Variants in MTX2 observed in about 807,000 individuals in gnomAD.
MTX2 encodes metaxin 2, also known as metaxin-2.
A neutral mutation model predicts 42.3 loss-of-function variants in MTX2; 35 were observed. That is an observed-to-expected ratio of 0.83 (90% confidence interval 0.63 to 1.10). MTX2 has a LOEUF of 1.10. Among genes scored for constraint, MTX2 ranks in the 50% least tolerant of loss-of-function variants. MTX2 has a pLI of 0.00. For missense variants in MTX2, 307 were observed against 304.1 expected (o/e 1.01, Z -0.07); for synonymous variants, 119 against 100.9 (o/e 1.18, Z -1.08).
intron 1 of MTX2, among the ~76,000 whole-genome samples, chr2:176,283,520 T>G (rs77204693): frequency 2.0e-5 from 3 of 152,284 alleles, no homozygotes; most frequent in Admixed American, 6.5e-5. Flanking sequence ...GGTATAATAA[T>G]AAGTCAGATT....
chr2:176,285,370 T>G (rs1693172679), intron 1 of MTX2, among the ~76,000 whole-genome samples: 1 of 152,066 alleles, frequency 6.6e-6, no homozygotes, highest in Non-Finnish European at 1.5e-5. Context: ...GATTTATAAT[T>G]CAGTGATTTT....
At chr2:176,288,662 G>T (rs1212767304) in intron 1 of MTX2, among the ~76,000 whole-genome samples, 4 of 151,386 alleles carry the variant, frequency 2.6e-5, no homozygotes, top group African/African-American at 9.7e-5. Context: ...TGATAGGTTT[G>T]TGTAGAGTTA....
In MTX2 at chr2:176,326,814, T is replaced by TC. The variant is rs780232722; in HGVS notation, c.209-10dup. 11 of 1,503,180 alleles carry TC rather than the reference T, an allele frequency of 7.3e-6. No homozygotes were observed. The African/African-American group carries it at 1.4e-4, about 20-fold the overall frequency. 93.1% of individuals were successfully genotyped at this position (1,503,180 alleles called of 1,614,324 possible). A position where few individuals can be genotyped will look rare whatever the true frequency, so the allele number is the denominator to read the frequency against. On this transcript the variant is annotated splice_polypyrimidine_tract_variant and intron_variant, in intron 4 of 9. Transcript: ENST00000249442. ...AGTATTTTTATAAATACTTTTTTTTTCTCTCAACAGGTAAAGTACCTTTTA... is the reference window on the plus strand; with the variant it reads ...AGTATTTTTATAAATACTTTTTTTTTCCTCTCAACAGGTAAAGTACCTTTTA...
At chr2:176,275,672 T>A (rs1372391719) in intron 1 of MTX2, among the ~76,000 whole-genome samples, 1 of 152,236 alleles carries the variant, frequency 6.6e-6, no homozygotes, top group Non-Finnish European at 1.5e-5. Context: ...TTTGTTTTTT[T>A]AATTTTGTTC....
intron 1 of MTX2, among the ~76,000 whole-genome samples, chr2:176,278,869 T>C (rs1334914825): frequency 6.6e-6 from 1 of 152,194 alleles, no homozygotes; most frequent in Non-Finnish European, 1.5e-5. Flanking sequence ...TTTAATTTTT[T>C]ATTGCTTTGT....
intron 9 of MTX2, among the ~76,000 whole-genome samples, chr2:176,337,246 T>G (rs573743729): frequency 6.6e-6 from 1 of 152,238 alleles, no homozygotes; most frequent in African/African-American, 2.4e-5. Context: ...TTTGCCACAT[T>G]GTTCAGGCTG....
intron 9 of MTX2, among the ~76,000 whole-genome samples, chr2:176,336,783 T>C (rs1484080031): frequency 6.6e-6 from 1 of 152,126 alleles, no homozygotes; most frequent in Non-Finnish European, 1.5e-5. Context: ...AAAAGTTATA[T>C]CAAGTTGTGG....
chr2:176,278,379 G>A (rs1692999914), intron 1 of MTX2, among the ~76,000 whole-genome samples: 1 of 152,000 alleles, frequency 6.6e-6, no homozygotes. Flanking sequence ...GCAATATTAT[G>A]TAAATTTTTG....
chr2:176,299,690 C>T (rs1485135000), intron 3 of MTX2, among the ~76,000 whole-genome samples: 1 of 152,000 alleles, frequency 6.6e-6, no homozygotes, highest in Non-Finnish European at 1.5e-5. Flanking sequence ...CTGATATAAA[C>T]TTTATGGAGT....
chr2:176,325,769 T>A lies in MTX2; in HGVS notation c.209-1056T>A, dbSNP rs575699232. On this transcript the variant is annotated intron_variant, in intron 4 of 9. Coordinates refer to ENST00000249442, the MANE Select transcript of MTX2 (RefSeq NM_006554.5). ...CCTAATGCTTAACCAGATAAAAAAA[T>A]TTTTTTTTGCAAGATTTATAAAGCA... 8.4e-4 allele frequency among the ~76,000 whole-genome samples: 128 copies of A among 151,494 alleles called. 1 individual carries two copies. The highest frequency in any genetic ancestry group is 2.4e-3 in the African/African-American group (100 of 41,382).
chr2:176,303,847 T>C (rs895682436), intron 3 of MTX2, among the ~76,000 whole-genome samples: 3 of 152,056 alleles, frequency 2.0e-5, no homozygotes, highest in South Asian at 2.1e-4. Context: ...TTTACTGATA[T>C]AAATACGTAT....
rs570571449 is a variant in MTX2 at position 176,269,610 on chromosome 2, C to G, written c.-20C>G. The G allele has an allele frequency of 8.9e-6, 14 of 1,576,616 alleles. No homozygotes were observed. The highest frequency in any genetic ancestry group is 9.4e-6 in the Non-Finnish European group (11 of 1,165,914). ...GGCCCGTGGGGGGCAGGCACCCGGG[C>G]GCCGGGCCTCCCAGCCGACATGTCT... is the stretch of plus-strand genomic sequence containing the variant. On this transcript the variant is annotated 5_prime_UTR_variant, in exon 1 of 10. Transcript: ENST00000249442.
At chr2:176,326,766 A>T (rs1337784099) in intron 4 of MTX2, 59 bp from the exon 5 acceptor site, 1 of 1,080,096 alleles carries the variant, frequency 9.3e-7, no homozygotes, top group African/African-American at 1.7e-5. Context: ...TTTTTTAATT[A>T]TCACAAACTT....
At chr2:176,281,021 A>T (rs1693066527) in intron 1 of MTX2, among the ~76,000 whole-genome samples, 1 of 152,128 alleles carries the variant, frequency 6.6e-6, no homozygotes, top group African/African-American at 2.4e-5. Context: ...GGCCATCTTG[A>T]GTTGGTGGAG....
chr2:176,278,758 C>G, intron 1 of MTX2, among the ~76,000 whole-genome samples: 1 of 151,948 alleles, frequency 6.6e-6, no homozygotes, highest in South Asian at 2.1e-4. Flanking sequence ...ATTCAGGCTT[C>G]TCATTTTTTT....
At chr2:176,290,715 A>T (rs971793710) in intron 1 of MTX2, among the ~76,000 whole-genome samples, 5 of 147,748 alleles carry the variant, frequency 3.4e-5, no homozygotes, top group Admixed American at 6.8e-5. Flanking sequence ...CCAGTTTAGG[A>T]TTTCAACTTT....
chr2:176,322,414 A>G (rs573658769), intron 3 of MTX2, among the ~76,000 whole-genome samples: 13 of 152,264 alleles, frequency 8.5e-5, no homozygotes, highest in African/African-American at 2.4e-4. Context: ...CAATTTCAAA[A>G]TAGACAAAAG....
At chr2:176,317,001 A>G (rs1260866828) in intron 3 of MTX2, among the ~76,000 whole-genome samples, 4 of 151,344 alleles carry the variant, frequency 2.6e-5, no homozygotes, top group Non-Finnish European at 4.4e-5. Flanking sequence ...GTGGTTGACT[A>G]TAAATTGTGT....
intron 3 of MTX2, among the ~76,000 whole-genome samples, chr2:176,309,720 CTTTTTTTTTTTT>C (rs745705028): frequency 6.1e-5 from 6 of 98,552 alleles, no homozygotes; most frequent in African/African-American, 2.7e-4. Flanking sequence ...GCAACCTCTG[CTTTTTTTTTTTT>C]TTTTTTTTGC....
Sources: allele counts gnomAD v4.1 joint callset (sites outside exome capture counted in the v4.1 genomes callset), GRCh38; gene constraint gnomAD v4.1.1; transcripts MANE v1.5; gene names NCBI Gene and HGNC (gene_info 2026-07-23, HGNC 2026-07-21).